The following CLEC4F variants were observed in gnomAD, a reference collection of about 807,000 sequenced individuals.
The protein encoded by CLEC4F is C-type lectin domain family 4 member F, also known as C-type (calcium dependent, carbohydrate-recognition domain) lectin, superfamily member 13.
In CLEC4F, 45 loss-of-function variants were observed where a neutral mutation model predicts 53.4. That is an observed-to-expected ratio of 0.84 (90% confidence interval 0.66 to 1.08). The LOEUF (loss-of-function observed/expected upper bound fraction) is 1.08, where lower values mean the gene tolerates loss of function less well. Among genes scored for constraint, CLEC4F ranks in the 50% least tolerant of loss-of-function variants. The pLI is 0.00. For synonymous variants in CLEC4F, 245 were observed against 257.5 expected, an observed-to-expected ratio of 0.95 and a Z score of 0.46; for missense variants, 753 against 698.2, an observed-to-expected ratio of 1.08 and a Z score of -0.88.
intron 5 of CLEC4F, chr2:70,811,330 C>T (rs112924982): frequency 1.9e-5 from 19 of 1,000,950 alleles, no homozygotes; most frequent in African/African-American, 3.2e-5. Context: ...GAGCAATCTG[C>T]TCTTATGTTC....
Position 70,814,481 on chromosome 2 carries a change from A to T in CLEC4F, c.1387+1513T>A, listed in dbSNP as rs116695426. On this transcript the variant is annotated intron_variant, in intron 4 of 6. Transcript: ENST00000272367. Reference sequence around the variant, plus strand: ...AAATTTTCAGGACCACCATAGCCCTACTGAATCCAAAATTATGTTTTAACA... The same window carrying T: ...AAATTTTCAGGACCACCATAGCCCTTCTGAATCCAAAATTATGTTTTAACA... 1.9e-3 allele frequency among the ~76,000 whole-genome samples: 286 copies of T among 152,324 alleles called. 2 individuals are homozygous for T. Among genetic ancestry groups the T allele is most frequent in the African/African-American group, 6.4e-3 (267 of 41,564 alleles).
intron 1 of CLEC4F, 94 bp downstream of exon 1, chr2:70,820,369 A>G: frequency 8.9e-7 from 1 of 1,129,648 alleles, no homozygotes; most frequent in South Asian, 1.5e-5. Context: ...TGGGGAGAGC[A>G]ATAAGACAGC....
intron 5 of CLEC4F, chr2:70,810,660 G>C (rs1250001377): frequency 6.6e-6 from 1 of 151,958 alleles, no homozygotes; most frequent in African/African-American, 2.8e-5. Context: ...CATTTTAAAA[G>C]GCAAACACAG....
At chr2:70,825,138 C>T (rs1409073509), upstream of CLEC4F, among the ~76,000 whole-genome samples, 1 of 152,144 alleles carries the variant, frequency 6.6e-6, no homozygotes. Context: ...AAACTCAGTA[C>T]CCCAATGTAA....
chr2:70,815,642 G>A (rs1279344382), intron 4 of CLEC4F, among the ~76,000 whole-genome samples: 4 of 152,190 alleles, frequency 2.6e-5, no homozygotes, highest in Admixed American at 1.3e-4. Flanking sequence ...TGAGAAAAGT[G>A]TAGCTCAGAG....
At chr2:70,820,203 C>G (rs1553397619) in intron 1 of CLEC4F, among the ~76,000 whole-genome samples, 2 of 152,204 alleles carry the variant, frequency 1.3e-5, no homozygotes, top group Admixed American at 1.3e-4. Context: ...GAGCACAGAG[C>G]AACAAAAGTG....
rs1553396299 is a variant in CLEC4F at position 70,816,797 on chromosome 2, A to T, written c.584T>A (p.Phe195Tyr). 6.2e-7 allele frequency: 1 copy of T among 1,614,044 alleles called. No individual in the cohort carries two copies. The highest frequency in any genetic ancestry group is 2.2e-5 in the East Asian group (1 of 44,860). The change falls in exon 4 of 7, where the codon TTC (phenylalanine) becomes TAC (tyrosine). Residue 195 changes from phenylalanine (F) to tyrosine (Y), a missense_variant. Physicochemically the swap from Phe to Tyr is conservative, Grantham distance 22. Transcript: ENST00000272367. ...EDLEKADALT[F>Y]QTLNFLKSSL... is the part of the protein sequence containing the mutation. ...GCTTTTTAAGAAATTCAGCGTCTGGAAAGTTAAAGCATCTGCCTTTTCAAG... is the reference window on the plus strand; with the variant it reads ...GCTTTTTAAGAAATTCAGCGTCTGGTAAGTTAAAGCATCTGCCTTTTCAAG...
At chr2:70,811,451 T>G in intron 5 of CLEC4F, 1 of 576,136 alleles carries the variant, frequency 1.7e-6, no homozygotes. Context: ...GCCTCAGCAC[T>G]GCCATCCCCT....
In CLEC4F at chr2:70,819,883, A is replaced by C; in HGVS notation, c.70T>G (p.Ser24Ala). The C allele has an allele frequency of 2.5e-6, 4 of 1,590,740 alleles. No individual in the cohort carries two copies. In the South Asian group the frequency reaches 4.6e-5, roughly 18 times the overall value. Reference sequence around the variant, plus strand: ...GGGGCTGCAGGAGCCATTGCCACAGAGTCCACCTCTGCAGGGGAGAAGGCA... The same window carrying C: ...GGGGCTGCAGGAGCCATTGCCACAGCGTCCACCTCTGCAGGGGAGAAGGCA... ...CVSLHPQEVD[S>A]VAMAPAAPKI... The change falls in exon 2 of 7, where the codon TCT (serine) becomes GCT (alanine). Residue 24 changes from serine to alanine, a missense_variant. Ser to Ala is a moderately conservative substitution (Grantham distance 99). Transcript: ENST00000272367.
chr2:70,816,067 G>C lies in CLEC4F; in HGVS notation c.1314C>G (p.Ile438Met), dbSNP rs782589322. Residue 438 changes from isoleucine to methionine, a missense_variant, in exon 4 of 7, where the codon ATC (isoleucine) becomes ATG (methionine). By Grantham distance (10) the Ile-to-Met change is conservative. Transcript: ENST00000272367. Reference sequence around the variant, plus strand: ...TCTTCAGGCGACTCTGCTCCTGCTGGATTTCCATGGTTAGAGCTTTGGTGT... The same window carrying C: ...TCTTCAGGCGACTCTGCTCCTGCTGCATTTCCATGGTTAGAGCTTTGGTGT... ...LENTKALTME[I>M]QQEQSRLKTL... is the part of the protein sequence containing the mutation. 4 of 1,614,178 alleles carry C rather than the reference G, an allele frequency of 2.5e-6. No homozygotes were observed. The highest frequency in any genetic ancestry group is 3.4e-6 in the Non-Finnish European group (4 of 1,180,046).
upstream of CLEC4F, among the ~76,000 whole-genome samples, chr2:70,824,754 T>C (rs888356015): frequency 6.6e-6 from 1 of 151,886 alleles, no homozygotes; most frequent in Non-Finnish European, 1.5e-5. Context: ...TAAAATAGTA[T>C]TGGATTATAA....
chr2:70,823,479 A>G (rs1191462115), upstream of CLEC4F, among the ~76,000 whole-genome samples: 1 of 152,210 alleles, frequency 6.6e-6, no homozygotes, highest in Admixed American at 6.5e-5. Flanking sequence ...CTCAGGACCT[A>G]TTTCCTCCTG....
rs1553393576 is a variant in CLEC4F at position 70,809,370 on chromosome 2, C to T, written c.1671G>A (p.Lys557=). 1.2e-6 allele frequency: 2 copies of T among 1,610,440 alleles called. No homozygotes were observed. The highest frequency in any genetic ancestry group is 2.2e-5 in the South Asian group (2 of 90,640). Residue 557 remains lysine, a synonymous_variant, in exon 7 of 7, where the codon AAG becomes AAA. Transcript: ENST00000272367. ...TATACTTTCTGAGTGGGCAGGATCC[C>T]TTGGAACCAGGCCTGAGTAGGGCAG... ...NAAQNKAPGS[K]GSCPLRKYII...
Position 70,816,697 on chromosome 2 carries a change from C to T in CLEC4F, c.684G>A (p.Met228Ile), listed in dbSNP as rs781969025. ...TTGCCGTTTCCAAACTGGCATTCAA[C>T]ATCTGAATTTCAGAGTTTGCATTTT... ...GLENANSEIQ[M>I]LNASLETANT... Residue 228 changes from methionine (M) to isoleucine (I), a missense_variant, in exon 4 of 7, where the codon ATG becomes ATA. By Grantham distance (10) the Met-to-Ile change is conservative. Transcript: ENST00000272367. 6 of 1,614,092 alleles carry T rather than the reference C, an allele frequency of 3.7e-6. No individual in the cohort carries two copies. The highest frequency in any genetic ancestry group is 1.3e-5 in the African/African-American group (1 of 74,932).
upstream of CLEC4F, among the ~76,000 whole-genome samples, chr2:70,824,621 C>CAAAAAAAAAAAAAAA (rs1388918958): frequency 1.0e-3 from 40 of 38,254 alleles, 7 homozygotes; most frequent in South Asian, 2.6e-3. Flanking sequence ...TGCTTAGTTA[C>CAAAAAAAAAAAAAAA]CAAAAAAAAA....
chr2:70,812,628 C>T, intron 4 of CLEC4F, 30 bp from the exon 5 acceptor site: 1 of 1,611,572 alleles, frequency 6.2e-7, no homozygotes, highest in South Asian at 1.1e-5. Flanking sequence ...GAAAAGAGAA[C>T]CAGGAGCTGC....
At position 70,809,224 on chromosome 2, in the gene CLEC4F, G is replaced by C. The variant is rs1201868883; in HGVS notation, c.*47C>G. The C allele has an allele frequency of 1.9e-6, 3 of 1,600,956 alleles. No homozygotes were observed. In the Admixed American group the frequency reaches 5.2e-5, roughly 28 times the overall value. Reference sequence around the variant, plus strand: ...CCCTAGTGGCCCTAGGATGAGGACAGGGCTGGGAGAAGGAGTACCCTGAGG... The same window carrying C: ...CCCTAGTGGCCCTAGGATGAGGACACGGCTGGGAGAAGGAGTACCCTGAGG... On this transcript the variant is annotated 3_prime_UTR_variant, in exon 7 of 7. Coordinates refer to ENST00000272367, the MANE Select transcript of CLEC4F (RefSeq NM_173535.3).
chr2:70,809,958 G>A (rs568946922), intron 5 of CLEC4F, 101 bp from the exon 6 acceptor site: 4 of 745,210 alleles, frequency 5.4e-6, no homozygotes, highest in Non-Finnish European at 7.3e-6. Context: ...AATTATATAT[G>A]CATATCAAAA....
chr2:70,824,273 C>T (rs1553398548), upstream of CLEC4F, among the ~76,000 whole-genome samples: 2 of 109,468 alleles, frequency 1.8e-5, no homozygotes, highest in East Asian at 2.4e-4. Flanking sequence ...CATTTACAGG[C>T]CTGAATGCAA....
Sources: allele counts gnomAD v4.1 joint callset (sites outside exome capture counted in the v4.1 genomes callset), GRCh38; gene constraint gnomAD v4.1.1; transcripts MANE v1.5; gene names NCBI Gene and HGNC (gene_info 2026-07-23, HGNC 2026-07-21).